The following PDGFD variants were observed in gnomAD, a reference collection of about 807,000 sequenced individuals.
The protein encoded by PDGFD is platelet-derived growth factor D.
PDGFD carries 30 observed loss-of-function variants against 44.7 expected under a neutral mutation model. The observed-to-expected ratio is 0.67, with a 90% confidence interval of 0.50 to 0.91. The LOEUF (loss-of-function observed/expected upper bound fraction) is 0.91. Ranked by LOEUF, PDGFD falls within the 40% of genes least tolerant of loss-of-function variation. PDGFD has a pLI of 0.00. For synonymous variants in PDGFD, 173 were observed against 168.4 expected (o/e 1.03, Z -0.21); for missense variants, 445 against 457.8 (o/e 0.97, Z 0.25).
intron 1 of PDGFD, among the ~76,000 whole-genome samples, chr11:104,094,312 C>G (rs990981856): frequency 6.6e-6 from 1 of 152,048 alleles, no homozygotes; most frequent in Non-Finnish European, 1.5e-5. Context: ...GTTGGAATTC[C>G]TTGGGGACCA....
chr11:103,979,691 G>C (rs896458794), intron 3 of PDGFD, among the ~76,000 whole-genome samples: 4 of 152,128 alleles, frequency 2.6e-5, no homozygotes, highest in African/African-American at 9.7e-5. Flanking sequence ...ATGGAACACA[G>C]AGATGGGGTG....
chr11:103,999,619 C>T (rs918556911), intron 2 of PDGFD, among the ~76,000 whole-genome samples: 2 of 152,102 alleles, frequency 1.3e-5, no homozygotes, highest in Non-Finnish European at 2.9e-5. Flanking sequence ...CCAGTGCTGG[C>T]GTAATTCATT....
intron 1 of PDGFD, among the ~76,000 whole-genome samples, chr11:104,147,714 A>G (rs1439364165): frequency 1.3e-5 from 2 of 152,184 alleles, no homozygotes; most frequent in Non-Finnish European, 1.5e-5. Context: ...TGGGTGACAT[A>G]GTAAAAATCT....
At chr11:104,144,398 C>T (rs1565347671) in intron 1 of PDGFD, among the ~76,000 whole-genome samples, 1 of 149,424 alleles carries the variant, frequency 6.7e-6, no homozygotes, top group Non-Finnish European at 1.5e-5. Context: ...CCCAGCTACT[C>T]GGGAGGCTGA....
At chr11:104,032,191 AC>A (rs1206629489) in intron 1 of PDGFD, among the ~76,000 whole-genome samples, 7 of 152,000 alleles carry the variant, frequency 4.6e-5, no homozygotes, top group Non-Finnish European at 5.9e-5. Context: ...TACAACAACA[AC>A]AACAAAAATA....
chr11:104,071,082 A>T (rs1016908286), intron 1 of PDGFD, among the ~76,000 whole-genome samples: 1 of 151,936 alleles, frequency 6.6e-6, no homozygotes, highest in Non-Finnish European at 1.5e-5. Context: ...ATATTATTTT[A>T]ATATATATAA....
chr11:104,102,946 G>A (rs1340262986), intron 1 of PDGFD, among the ~76,000 whole-genome samples: 1 of 152,106 alleles, frequency 6.6e-6, no homozygotes, highest in Non-Finnish European at 1.5e-5. Flanking sequence ...GGGGAGAGGG[G>A]AGGGATAGCA....
At chr11:103,974,557 C>T (rs1859153436) in intron 3 of PDGFD, among the ~76,000 whole-genome samples, 1 of 152,034 alleles carries the variant, frequency 6.6e-6, no homozygotes, top group African/African-American at 2.4e-5. Flanking sequence ...GTTTGTTGCA[C>T]CCATCAACTC....
chr11:104,028,422 C>A (rs545856993), intron 1 of PDGFD, among the ~76,000 whole-genome samples: 2 of 149,112 alleles, frequency 1.3e-5, no homozygotes, highest in African/African-American at 2.5e-5. Flanking sequence ...GTCCTCTTTT[C>A]TGTTTTTGTT....
intron 1 of PDGFD, chr11:104,036,865 G>C: frequency 6.2e-7 from 1 of 1,614,096 alleles, no homozygotes; most frequent in Non-Finnish European, 8.5e-7. Flanking sequence ...CCTCTCCGAG[G>C]TCACCTTCTC....
intron 4 of PDGFD, among the ~76,000 whole-genome samples, chr11:103,947,103 T>C (rs1449597377): frequency 6.6e-6 from 1 of 152,210 alleles, no homozygotes; most frequent in African/African-American, 2.4e-5. Flanking sequence ...GGAGACTGAA[T>C]ACTGAGAAAT....
chr11:104,149,687 T>G (rs906814734), intron 1 of PDGFD, among the ~76,000 whole-genome samples: 2 of 152,190 alleles, frequency 1.3e-5, no homozygotes, highest in African/African-American at 4.8e-5. Flanking sequence ...TAATATGCAT[T>G]CATTTATTCA....
chr11:104,096,966 T>A (rs559909441), intron 1 of PDGFD, among the ~76,000 whole-genome samples: 1 of 152,304 alleles, frequency 6.6e-6, no homozygotes, highest in East Asian at 1.9e-4. Flanking sequence ...ATTTATTACC[T>A]CTTATCTCAA....
At chr11:104,060,924 G>A (rs538465548) in intron 1 of PDGFD, among the ~76,000 whole-genome samples, 3 of 152,154 alleles carry the variant, frequency 2.0e-5, no homozygotes, top group African/African-American at 7.2e-5. Flanking sequence ...TTACAATGTT[G>A]TGCAACCATC....
chr11:104,055,034 A>C (rs1280306250), intron 1 of PDGFD, among the ~76,000 whole-genome samples: 2 of 152,222 alleles, frequency 1.3e-5, no homozygotes, highest in Non-Finnish European at 2.9e-5. Context: ...TTTAATGTTA[A>C]TGTTTTAAAA....
rs1857969866 is a variant in PDGFD at position 103,908,321 on chromosome 11, C to T, written c.*1373G>A. ...CAAAGGAGGCAGAGAGAAAAAATTA[C>T]TCTAAATACCATTAACCAATGTAAA... On this transcript the variant is annotated 3_prime_UTR_variant, in exon 7 of 7. Coordinates refer to ENST00000393158, the MANE Select transcript of PDGFD (RefSeq NM_025208.5). 2 of 152,176 alleles carry T rather than the reference C, an allele frequency of 1.3e-5. No individual in the cohort carries two copies. Among genetic ancestry groups the T allele is most frequent in the Admixed American group, 1.3e-4 (2 of 15,282 alleles). 9.4% of individuals were successfully genotyped at this position (152,176 alleles called of 1,614,324 possible). A position where few individuals can be genotyped will look rare whatever the true frequency, so the allele number is the denominator to read the frequency against.
chr11:104,123,484 T>C (rs1272863060), intron 1 of PDGFD, among the ~76,000 whole-genome samples: 1 of 152,086 alleles, frequency 6.6e-6, no homozygotes, highest in Non-Finnish European at 1.5e-5. Context: ...ACAAAAACTA[T>C]AGTTGCCTAC....
At chr11:103,969,882 G>T (rs78679111) in intron 3 of PDGFD, among the ~76,000 whole-genome samples, 3,087 of 152,018 alleles carry the variant, frequency 0.02, 140 homozygotes, top group East Asian at 0.16. Context: ...AAAACAAAAG[G>T]TCATCTTAGA....
chr11:104,029,690 T>A lies in PDGFD; in HGVS notation c.125-29435A>T, dbSNP rs1008670335. 7.9e-5 allele frequency among the ~76,000 whole-genome samples: 12 copies of A among 152,206 alleles called. No homozygotes were observed. The East Asian group carries it at 1.5e-3, about 19-fold the overall frequency. ...ACCATAAATGAAGTGATGTGCCATA[T>A]AAATACCTGTTGAGGTGTCTTGGCC... On this transcript the variant is annotated intron_variant, in intron 1 of 6. Transcript: ENST00000393158.
Sources: allele counts gnomAD v4.1 joint callset (sites outside exome capture counted in the v4.1 genomes callset), GRCh38; gene constraint gnomAD v4.1.1; transcripts MANE v1.5; gene names NCBI Gene and HGNC (gene_info 2026-07-23, HGNC 2026-07-21).